DDI2: variants seen among roughly 807,000 people sequenced by gnomAD.
DDI2 encodes the protein protein DDI1 homolog 2.
A neutral mutation model predicts 48.1 loss-of-function variants in DDI2; 5 were observed. That is an observed-to-expected ratio of 0.10 (90% confidence interval 0.05 to 0.22). The LOEUF (loss-of-function observed/expected upper bound fraction) is 0.22. Ranked by LOEUF, DDI2 falls within the 10% of genes least tolerant of loss-of-function variation. DDI2 has a pLI of 1.00. For synonymous variants in DDI2, 205 were observed against 183.6 expected, an observed-to-expected ratio of 1.12 and a Z score of -0.94; for missense variants, 285 against 506.2, an observed-to-expected ratio of 0.56 and a Z score of 4.19.
intron 2 of DDI2, 113 bp from the exon 3 acceptor site, chr1:15,630,212 C>A: frequency 1.1e-6 from 1 of 931,554 alleles, no homozygotes; most frequent in Non-Finnish European, 1.7e-6. Flanking sequence ...TTAAAGTCTA[C>A]AGTTACCTTT....
chr1:15,640,397 A>G lies in DDI2; in HGVS notation c.760+1963A>G, dbSNP rs577728937. ...TCACATTCTCTACTCTGTCTTTTACACATAAGGAAACTTAGAGGGATCAAG... is the reference window on the plus strand; with the variant it reads ...TCACATTCTCTACTCTGTCTTTTACGCATAAGGAAACTTAGAGGGATCAAG... On this transcript the variant is annotated intron_variant, in intron 5 of 9. Coordinates refer to ENST00000480945, the MANE Select transcript of DDI2 (RefSeq NM_032341.5). Among the ~76,000 whole-genome samples the G allele has an allele frequency of 6.2e-4, 94 of 152,334 alleles. 1 individual carries two copies. The highest frequency in any genetic ancestry group is 9.4e-4 in the Non-Finnish European group (64 of 68,024).
At chr1:15,644,335 C>T (rs1455710387) in intron 6 of DDI2, among the ~76,000 whole-genome samples, 5 of 152,164 alleles carry the variant, frequency 3.3e-5, no homozygotes, top group Non-Finnish European at 5.9e-5. Flanking sequence ...ATCTGCCCCT[C>T]AGTTTATTGG....
chr1:15,628,790 C>T (rs1326638377), intron 2 of DDI2, among the ~76,000 whole-genome samples: 1 of 152,010 alleles, frequency 6.6e-6, no homozygotes, highest in East Asian at 1.9e-4. Context: ...TAACCATCAC[C>T]ACAATCCATT....
intron 5 of DDI2, among the ~76,000 whole-genome samples, chr1:15,642,253 C>T (rs1252644252): frequency 6.6e-6 from 1 of 152,186 alleles, no homozygotes; most frequent in African/African-American, 2.4e-5. Context: ...ACAGAAGCGA[C>T]TGTCTTCTAC....
intron 1 of DDI2, among the ~76,000 whole-genome samples, chr1:15,619,122 TTTTTG>T (rs2103458154): frequency 6.6e-6 from 1 of 152,276 alleles, no homozygotes; most frequent in African/African-American, 2.4e-5. Flanking sequence ...TTTTTTTCTT[TTTTTG>T]TTTTTGTTTT....
intron 1 of DDI2, among the ~76,000 whole-genome samples, chr1:15,620,803 A>G (rs1272199245): frequency 6.6e-6 from 1 of 152,210 alleles, no homozygotes; most frequent in Non-Finnish European, 1.5e-5. Flanking sequence ...CTGTAAAGTA[A>G]CATTGTACAC....
intron 1 of DDI2, among the ~76,000 whole-genome samples, chr1:15,620,962 G>C (rs1274263088): frequency 6.6e-6 from 1 of 152,186 alleles, no homozygotes; most frequent in Non-Finnish European, 1.5e-5. Flanking sequence ...TCTTTCACCT[G>C]AGTGTCAATT....
chr1:15,633,850 AC>A, intron 4 of DDI2: 1 of 469,778 alleles, frequency 2.1e-6, no homozygotes, highest in Non-Finnish European at 4.2e-6. Flanking sequence ...TAGATAAATG[AC>A]CCCCGGACTG....
intron 5 of DDI2, among the ~76,000 whole-genome samples, chr1:15,642,166 G>A (rs939371415): frequency 1.2e-4 from 19 of 152,166 alleles, no homozygotes; most frequent in African/African-American, 4.1e-4. Flanking sequence ...TTTTATGCCT[G>A]TTGGCTTTGA....
intron 3 of DDI2, 35 bp downstream of exon 3, chr1:15,630,596 C>A: frequency 6.9e-7 from 1 of 1,453,846 alleles, no homozygotes; most frequent in Non-Finnish European, 9.7e-7. Flanking sequence ...ATTAGGCTGG[C>A]CTGAGGTGAA....
At position 15,663,887 on chromosome 1, in the gene DDI2, G is replaced by T. The variant is rs1640414922; in HGVS notation, c.*4097G>T. 2 of 152,120 alleles carry T rather than the reference G, an allele frequency of 1.3e-5. No individual in the cohort carries two copies. The highest frequency in any genetic ancestry group is 4.1e-4 in the South Asian group (2 of 4,832). The allele number at this position is 152,120 out of a possible 1,614,324, so 9.4% of individuals were successfully genotyped here. A position where few individuals can be genotyped will look rare whatever the true frequency, so the allele number is the denominator to read the frequency against. On this transcript the variant is annotated 3_prime_UTR_variant, in exon 10 of 10. Transcript: ENST00000480945. ...GAACCTTGGCACACAATTCAGTGTGGATATTTGGGAAACAGTTCCAAGTGG... is the reference window on the plus strand; with the variant it reads ...GAACCTTGGCACACAATTCAGTGTGTATATTTGGGAAACAGTTCCAAGTGG...
At chr1:15,654,691 A>G (rs958579608) in intron 8 of DDI2, among the ~76,000 whole-genome samples, 4 of 151,662 alleles carry the variant, frequency 2.6e-5, no homozygotes, top group South Asian at 2.1e-4. Flanking sequence ...ATTGACTCCC[A>G]TCACTTTTTG....
intron 1 of DDI2, among the ~76,000 whole-genome samples, chr1:15,623,556 G>GCTTCTT (rs140856838): frequency 3.5e-5 from 5 of 141,522 alleles, no homozygotes; most frequent in Non-Finnish European, 7.4e-5. Flanking sequence ...ACCATGCCTG[G>GCTTCTT]CTTATTATTA....
intron 5 of DDI2, among the ~76,000 whole-genome samples, chr1:15,638,795 T>A (rs1214778814): frequency 6.6e-6 from 1 of 152,148 alleles, no homozygotes; most frequent in Admixed American, 6.6e-5. Flanking sequence ...CTGGCCCAGA[T>A]GGCTGTAGTT....
intron 7 of DDI2, among the ~76,000 whole-genome samples, chr1:15,650,707 A>G (rs959725735): frequency 1.4e-4 from 22 of 152,196 alleles, no homozygotes; most frequent in Non-Finnish European, 3.2e-4. Flanking sequence ...CAGCCTGGGT[A>G]ACAGAGCAAA....
At chr1:15,655,867 A>G (rs1640264421) in intron 8 of DDI2, among the ~76,000 whole-genome samples, 1 of 152,174 alleles carries the variant, frequency 6.6e-6, no homozygotes, top group Non-Finnish European at 1.5e-5. Context: ...TCAAGGCTAC[A>G]GTGAGTTGTG....
In DDI2 at chr1:15,663,725, C is replaced by T. The variant is rs1197771906; in HGVS notation, c.*3935C>T. On this transcript the variant is annotated 3_prime_UTR_variant, in exon 10 of 10. Coordinates refer to ENST00000480945, the MANE Select transcript of DDI2 (RefSeq NM_032341.5). ...AATCTAGTAGCAATGCAATGGGACC[C>T]TGTATTTGCTTTATGGGTGGTGGTT... 1 of 148,320 alleles carries T rather than the reference C, an allele frequency of 6.7e-6. No individual in the cohort carries two copies. The highest frequency in any genetic ancestry group is 1.5e-5 in the Non-Finnish European group (1 of 67,244). 9.2% of individuals were successfully genotyped at this position (148,320 alleles called of 1,614,324 possible). A position where few individuals can be genotyped will look rare whatever the true frequency, so the allele number is the denominator to read the frequency against.
chr1:15,640,891 G>A (rs1639996810), intron 5 of DDI2, among the ~76,000 whole-genome samples: 1 of 152,192 alleles, frequency 6.6e-6, no homozygotes, highest in African/African-American at 2.4e-5. Flanking sequence ...GTCAGTTAGG[G>A]AGGAAGTGGG....
chr1:15,658,507 A>AAG (rs1267323623), intron 9 of DDI2, among the ~76,000 whole-genome samples: 1 of 151,736 alleles, frequency 6.6e-6, no homozygotes, highest in Non-Finnish European at 1.5e-5. Context: ...TCTTGCCTGT[A>AAG]ATCCAAGCAC....
Sources: allele counts gnomAD v4.1 joint callset (sites outside exome capture counted in the v4.1 genomes callset), GRCh38; gene constraint gnomAD v4.1.1; transcripts MANE v1.5; gene names NCBI Gene and HGNC (gene_info 2026-07-23, HGNC 2026-07-21).